The following RALGPS2 variants were observed in gnomAD, a reference collection of about 807,000 sequenced individuals.
RALGPS2 encodes Ral GEF with PH domain and SH3 binding motif 2.
A neutral mutation model predicts 86.8 loss-of-function variants in RALGPS2; 43 were observed. That is an observed-to-expected ratio of 0.50 (90% CI 0.39 to 0.64). RALGPS2 has a LOEUF of 0.64. Among genes scored for constraint, RALGPS2 ranks in the 30% least tolerant of loss-of-function variants. The pLI is 0.00. For missense variants in RALGPS2, 536 were observed against 694.6 expected (o/e 0.77, Z 2.57); for synonymous variants, 243 against 231.3 (o/e 1.05, Z -0.46).
In RALGPS2 at chr1:178,784,398, A is replaced by G. The variant is rs567139926; in HGVS notation, c.58-20A>G. 3.2e-6 allele frequency: 5 copies of G among 1,576,982 alleles called. No homozygotes were observed. In the African/African-American group the frequency reaches 6.7e-5, roughly 21 times the overall value. ...TGTGAGACAGTATGTAAAAGGCTGC[A>G]TTTTCTTTCACTTTAACAGAAAAGT... On this transcript the variant is annotated intron_variant, in intron 2 of 19. Coordinates refer to ENST00000367635, the MANE Select transcript of RALGPS2 (RefSeq NM_152663.5).
intron 4 of RALGPS2, among the ~76,000 whole-genome samples, chr1:178,788,901 C>CT (rs1251101996): frequency 1.3e-5 from 1 of 78,824 alleles, no homozygotes; most frequent in African/African-American, 5.1e-5. Flanking sequence ...TCCTTTCTTT[C>CT]TTCTTCTTTT....
intron 4 of RALGPS2, among the ~76,000 whole-genome samples, chr1:178,807,048 C>T (rs148761695): frequency 1.3e-4 from 20 of 152,210 alleles, no homozygotes; most frequent in Non-Finnish European, 2.5e-4. Context: ...TAAATACTAC[C>T]GTATCTGGGT....
chr1:178,908,061 T>C (rs1325272248), intron 19 of RALGPS2, among the ~76,000 whole-genome samples: 1 of 152,212 alleles, frequency 6.6e-6, no homozygotes, highest in Non-Finnish European at 1.5e-5. Context: ...GAGTACCCAC[T>C]GGTTTTTCAA....
intron 8 of RALGPS2, among the ~76,000 whole-genome samples, chr1:178,856,190 CAGAG>C (rs139246466): frequency 0.022 from 1,489 of 68,902 alleles, 47 homozygotes; most frequent in East Asian, 0.1. Flanking sequence ...TGTACTTTTC[CAGAG>C]AGAGAGAGAT....
chr1:178,735,287 C>G (rs528118430), intron 1 of RALGPS2, among the ~76,000 whole-genome samples: 33 of 152,098 alleles, frequency 2.2e-4, no homozygotes, highest in Admixed American at 1.9e-3. Flanking sequence ...ACTTCATTTA[C>G]ATAAAGTTTA....
chr1:178,909,984 A>G (rs1395438223), intron 19 of RALGPS2, among the ~76,000 whole-genome samples: 1 of 151,950 alleles, frequency 6.6e-6, no homozygotes, highest in South Asian at 2.1e-4. Context: ...TACCTCCTTG[A>G]TTAGCTGTAT....
intron 2 of RALGPS2, among the ~76,000 whole-genome samples, chr1:178,779,953 T>TG (rs1240552562): frequency 1.3e-5 from 2 of 152,136 alleles, no homozygotes. Flanking sequence ...AGGCTGGTCT[T>TG]GAATTCCTGA....
At chr1:178,741,056 T>G (rs984965144) in intron 1 of RALGPS2, among the ~76,000 whole-genome samples, 11 of 152,208 alleles carry the variant, frequency 7.2e-5, no homozygotes, top group Admixed American at 2.0e-4. Context: ...GGTAATTTGA[T>G]TTTTTTGCAA....
chr1:178,808,373 T>C (rs1654834051), intron 5 of RALGPS2, among the ~76,000 whole-genome samples: 1 of 152,106 alleles, frequency 6.6e-6, no homozygotes, highest in Non-Finnish European at 1.5e-5. Context: ...TGTCCTCCAT[T>C]CTGAGTGATT....
At chr1:178,735,473 A>G (rs1408260544) in intron 1 of RALGPS2, among the ~76,000 whole-genome samples, 1 of 147,368 alleles carries the variant, frequency 6.8e-6, no homozygotes, top group Non-Finnish European at 1.5e-5. Context: ...GCTGGAGTGC[A>G]GTGGCGTGAT....
chr1:178,821,126 C>T (rs1655485261), intron 6 of RALGPS2, among the ~76,000 whole-genome samples: 1 of 152,114 alleles, frequency 6.6e-6, no homozygotes, highest in African/African-American at 2.4e-5. Flanking sequence ...TAGGAGGAAG[C>T]AGAAAATTGA....
chr1:178,894,836 C>A (rs1037633571), intron 16 of RALGPS2, among the ~76,000 whole-genome samples: 5 of 151,622 alleles, frequency 3.3e-5, no homozygotes, highest in Non-Finnish European at 7.4e-5. Flanking sequence ...CTTTTTTTTA[C>A]CCCCATTATA....
chr1:178,883,646 A>G, intron 11 of RALGPS2, 113 bp downstream of exon 11: 1 of 798,808 alleles, frequency 1.3e-6, no homozygotes, highest in Non-Finnish European at 2.0e-6. Context: ...TGTAAAATTT[A>G]TTTTGATATT....
chr1:178,768,737 C>CT (rs1652637841), intron 1 of RALGPS2, among the ~76,000 whole-genome samples: 2 of 152,184 alleles, frequency 1.3e-5, no homozygotes, highest in African/African-American at 4.8e-5. Flanking sequence ...CCCCCAGTGG[C>CT]AGGCACAAGA....
In RALGPS2 at chr1:178,852,778, C is replaced by T. The variant is rs570797031; in HGVS notation, c.607+19228C>T. 2.4e-5 allele frequency: 38 copies of T among 1,613,804 alleles called. No individual in the cohort carries two copies. The highest frequency in any genetic ancestry group is 1.8e-4 in the East Asian group (8 of 44,868). The stretch of plus-strand genomic sequence containing the variant: ...TGCATTTCCCTGGTAAGTTCCCAGG[C>T]GCAGTCTATAGAATTCACTTTCAGG... On this transcript the variant is annotated intron_variant, in intron 8 of 19. Transcript: ENST00000367635.
intron 4 of RALGPS2, among the ~76,000 whole-genome samples, chr1:178,802,618 C>T (rs1178179189): frequency 6.6e-6 from 1 of 152,168 alleles, no homozygotes; most frequent in Non-Finnish European, 1.5e-5. Context: ...CTTAAACTCA[C>T]TGTAAGAGCA....
chr1:178,910,835 G>A (rs983477237), intron 19 of RALGPS2, among the ~76,000 whole-genome samples: 1 of 152,048 alleles, frequency 6.6e-6, no homozygotes, highest in Admixed American at 6.5e-5. Context: ...CAGTAGGATT[G>A]GTACTAGCTC....
In RALGPS2 at chr1:178,859,195, C is replaced by T. The variant is rs147523768; in HGVS notation, c.608-18303C>T. Among the ~76,000 whole-genome samples, 402 of 152,168 alleles carry T rather than the reference C, an allele frequency of 2.6e-3. 3 individuals are homozygous for T. The highest frequency in any genetic ancestry group is 8.8e-3 in the African/African-American group (366 of 41,520). ...CGTTCTCATAACTGGCTAATACAGT[C>T]ATTTTCCAACAGCACCTTGGCTTAA... On this transcript the variant is annotated intron_variant, in intron 8 of 19. Transcript: ENST00000367635.
At chr1:178,837,458 A>T (rs1656335258) in intron 8 of RALGPS2, among the ~76,000 whole-genome samples, 1 of 152,152 alleles carries the variant, frequency 6.6e-6, no homozygotes. Context: ...GTTTTAATGC[A>T]TTTCTGTTTC....
Sources: gnomAD v4.1 joint callset for allele counts (sites outside exome capture counted in the v4.1 genomes callset) on GRCh38, gnomAD v4.1.1 for gene constraint, MANE v1.5 for transcripts, NCBI Gene and HGNC (gene_info 2026-07-23, HGNC 2026-07-21) for gene names.